TMTC1: variants seen among roughly 807,000 people sequenced by gnomAD.
TMTC1 encodes transmembrane O-mannosyltransferase targeting cadherins 1.
Under a neutral mutation model 104.8 loss-of-function variants are expected in TMTC1, and 73 were observed. The observed-to-expected ratio is 0.70, with a 90% CI of 0.58 to 0.85. The LOEUF is 0.85. TMTC1 is among the 40% of genes least tolerant of loss of function. TMTC1 has a pLI of 0.00. For missense variants in TMTC1, 1,035 were observed against 1,096.1 expected (o/e 0.94, Z 0.79); for synonymous variants, 434 against 428.7 (o/e 1.01, Z -0.15).
chr12:29,709,988 G>A (rs1016621300), intron 5 of TMTC1, among the ~76,000 whole-genome samples: 3 of 152,142 alleles, frequency 2.0e-5, no homozygotes, highest in Non-Finnish European at 4.4e-5. Context: ...ATAGCACATG[G>A]GAGGCAAACA....
At position 29,742,804 on chromosome 12, in the gene TMTC1, C is replaced by G. The variant is rs1942861023; in HGVS notation, c.938+8862G>C. Among the ~76,000 whole-genome samples the G allele has an allele frequency of 3.9e-5, 6 of 152,236 alleles. No individual in the cohort carries two copies. In the South Asian group the frequency reaches 1.2e-3, roughly 32 times the overall value. On this transcript the variant is annotated intron_variant, in intron 5 of 17. Transcript: ENST00000539277. Reference sequence around the variant, plus strand: ...TCCTCTTAAACTTTGATGGACTGGCCATCATTGCTACATGAATGTTTTTCT... The same window carrying G: ...TCCTCTTAAACTTTGATGGACTGGCGATCATTGCTACATGAATGTTTTTCT...
chr12:29,763,088 C>G (rs1943388999), intron 2 of TMTC1, among the ~76,000 whole-genome samples: 1 of 152,168 alleles, frequency 6.6e-6, no homozygotes, highest in African/African-American at 2.4e-5. Flanking sequence ...TGGAATGAGG[C>G]AATCACAAGC....
At chr12:29,656,701 G>A (rs1016429569) in intron 5 of TMTC1, among the ~76,000 whole-genome samples, 4 of 152,116 alleles carry the variant, frequency 2.6e-5, no homozygotes, top group African/African-American at 2.4e-5. Context: ...AGTTACAGTC[G>A]CTTGGATGGA....
intron 2 of TMTC1, among the ~76,000 whole-genome samples, chr12:29,763,900 A>T (rs1172718866): frequency 6.6e-6 from 1 of 152,214 alleles, no homozygotes; most frequent in Non-Finnish European, 1.5e-5. Flanking sequence ...AAGGTGATGA[A>T]GAGCATGGAG....
chr12:29,554,296 C>T (rs1320647602), intron 10 of TMTC1, among the ~76,000 whole-genome samples: 1 of 151,722 alleles, frequency 6.6e-6, no homozygotes, highest in Non-Finnish European at 1.5e-5. Flanking sequence ...CCTCTTAGAA[C>T]TAAAATATTT....
At chr12:29,689,047 G>T (rs956329422) in intron 5 of TMTC1, among the ~76,000 whole-genome samples, 4 of 152,082 alleles carry the variant, frequency 2.6e-5, no homozygotes, top group Non-Finnish European at 5.9e-5. Flanking sequence ...CTTCAATCCT[G>T]TCTCCTTGAG....
chr12:29,552,684 G>A (rs1482248317), intron 10 of TMTC1, among the ~76,000 whole-genome samples: 1 of 152,208 alleles, frequency 6.6e-6, no homozygotes, highest in Non-Finnish European at 1.5e-5. Context: ...AATAATGATA[G>A]TGCTTCCTCT....
chr12:29,761,923 C>T (rs1943359920), intron 2 of TMTC1, among the ~76,000 whole-genome samples: 2 of 152,070 alleles, frequency 1.3e-5, no homozygotes, highest in Non-Finnish European at 2.9e-5. Context: ...GCTCATGTCA[C>T]ACCTGTCATC....
chr12:29,775,900 G>A (rs1017209774), intron 1 of TMTC1, among the ~76,000 whole-genome samples: 19 of 152,086 alleles, frequency 1.2e-4, no homozygotes, highest in African/African-American at 4.1e-4. Flanking sequence ...AAACTTAGGT[G>A]TGATCCCAGG....
At chr12:29,682,813 G>A (rs60513853) in intron 5 of TMTC1, among the ~76,000 whole-genome samples, 1,537 of 152,280 alleles carry the variant, frequency 0.01, 35 homozygotes, top group African/African-American at 0.035. Context: ...GGTTGACAGA[G>A]TAGCTATATA....
chr12:29,759,355 C>T (rs928067477), intron 2 of TMTC1, among the ~76,000 whole-genome samples: 6 of 152,000 alleles, frequency 3.9e-5, no homozygotes, highest in Non-Finnish European at 8.8e-5. Flanking sequence ...AAATTAGCCA[C>T]GCATGGTGGC....
intron 5 of TMTC1, among the ~76,000 whole-genome samples, chr12:29,641,698 A>C (rs7313236): frequency 0.21 from 32,035 of 151,716 alleles, 3,436 homozygotes; most frequent in Middle Eastern, 0.28. Flanking sequence ...ATACCCCCCC[A>C]AAAAAATCAC....
intron 6 of TMTC1, among the ~76,000 whole-genome samples, chr12:29,604,876 T>G (rs1946656929): frequency 6.6e-6 from 1 of 152,176 alleles, no homozygotes; most frequent in Non-Finnish European, 1.5e-5. Flanking sequence ...GGCAAGCGAG[T>G]ATTTACTCCA....
At chr12:29,520,081 T>C (rs899023972) in intron 12 of TMTC1, among the ~76,000 whole-genome samples, 1 of 152,340 alleles carries the variant, frequency 6.6e-6, no homozygotes. Context: ...AGAGAATTCA[T>C]GCCCAGTAAT....
In TMTC1 at chr12:29,668,793, C is replaced by G. The variant is rs578039638; in HGVS notation, c.939-35457G>C. On this transcript the variant is annotated intron_variant, in intron 5 of 17. Transcript: ENST00000539277. ...CTAATTAATTAAAAGTGATAAAGAT[C>G]ATTTCAATATCTTCTTCAGTTCATA... is the stretch of plus-strand genomic sequence containing the variant. Among the ~76,000 whole-genome samples the G allele has an allele frequency of 3.3e-4, 51 of 152,304 alleles. 1 individual carries two copies. The South Asian group carries it at 0.011, about 32-fold the overall frequency.
At chr12:29,634,817 T>C (rs551988191) in intron 5 of TMTC1, among the ~76,000 whole-genome samples, 2 of 152,178 alleles carry the variant, frequency 1.3e-5, no homozygotes, top group Non-Finnish European at 2.9e-5. Context: ...GCAAAGACAT[T>C]AGATGAGATA....
rs749165031 is a variant in TMTC1, at chr12:29,783,511, T to G, written c.241A>C (p.Lys81Gln). Residue 81 changes from lysine to glutamine, a missense_variant, in exon 1 of 18, where the codon AAG (lysine) becomes CAG (glutamine). Transcript: ENST00000539277. The surrounding 1 kb of genome is among the most constrained non-coding windows in gnomAD (Gnocchi z 4.7). ...TGGCTGGTGTTCTCGGCCATGCCCT[T>G]GCCCCAGAAGTCGTTGGTGAAGATG... is the stretch of plus-strand genomic sequence containing the variant. ...WGIFTNDFWG[K>Q]GMAENTSHKS... is the part of the protein sequence containing the mutation. The G allele has an allele frequency of 2.8e-6, 4 of 1,435,636 alleles. No homozygotes were observed. The highest frequency in any genetic ancestry group is 2.7e-6 in the Non-Finnish European group (3 of 1,091,424). The allele number at this position is 1,435,636 out of a possible 1,614,324, so 88.9% of individuals were successfully genotyped here.
chr12:29,512,298 G>A (rs1044983751), intron 16 of TMTC1, among the ~76,000 whole-genome samples, 178 bp from the exon 17 acceptor site: 1 of 152,190 alleles, frequency 6.6e-6, no homozygotes, highest in African/African-American at 2.4e-5. Flanking sequence ...ATTCTAAAGT[G>A]GAGGAAACTG....
At chr12:29,572,078 C>G (rs758979012) in intron 9 of TMTC1, 27 bp downstream of exon 9, 11 of 1,579,842 alleles carry the variant, frequency 7.0e-6, no homozygotes, top group Admixed American at 1.7e-5. Context: ...AGCACCAAGG[C>G]CAACACCCTC....
Sources: gnomAD v4.1 joint callset for allele counts (sites outside exome capture counted in the v4.1 genomes callset) on GRCh38, gnomAD v4.1.1 for gene constraint, Gnocchi (gnomAD v3.1) non-coding constraint, MANE v1.5 for transcripts, NCBI Gene and HGNC (gene_info 2026-07-23, HGNC 2026-07-21) for gene names.